Variants in KDM4C observed in about 807,000 individuals in gnomAD.
The protein encoded by KDM4C is lysine demethylase 4C.
KDM4C carries 81 observed loss-of-function variants against 129.3 expected under a neutral mutation model. That is an observed-to-expected ratio of 0.63 (90% CI 0.52 to 0.75). The LOEUF (loss-of-function observed/expected upper bound fraction) is 0.75, where lower values mean the gene tolerates loss of function less well. Among genes scored for constraint, KDM4C ranks in the 30% least tolerant of loss-of-function variants. The pLI is 0.00. For missense variants in KDM4C, 1,457 were observed against 1,304.0 expected (o/e 1.12, Z -1.81); for synonymous variants, 573 against 456.1 (o/e 1.26, Z -3.26).
chr9:6,814,854 A>G (rs748526223), intron 4 of KDM4C, 109 bp downstream of exon 4: 3 of 558,096 alleles, frequency 5.4e-6, no homozygotes, highest in Non-Finnish European at 9.3e-6. Context: ...GGTGATCCAT[A>G]ATTCCTCAAA....
chr9:6,884,108 T>G (rs1844891021), intron 6 of KDM4C, among the ~76,000 whole-genome samples: 1 of 152,164 alleles, frequency 6.6e-6, no homozygotes, highest in Non-Finnish European at 1.5e-5. Flanking sequence ...AGGATCAGTA[T>G]GAAGTTCTCC....
At position 6,740,143 on chromosome 9, in the gene KDM4C, G is replaced by T. The variant is rs571423116; in HGVS notation, c.49+19146G>T. 2.0e-5 allele frequency among the ~76,000 whole-genome samples: 3 copies of T among 152,040 alleles called. No individual in the cohort carries two copies. The East Asian group carries it at 5.8e-4, about 30-fold the overall frequency. On this transcript the variant is annotated intron_variant, in intron 1 of 17. Coordinates refer to the KDM4C transcript ENST00000536108. ...GACCTCAGGTGATCTGCCTGCCTTGGCCTCCCAAAGTGCTGGAATTACAGG... is the reference window on the plus strand; with the variant it reads ...GACCTCAGGTGATCTGCCTGCCTTGTCCTCCCAAAGTGCTGGAATTACAGG...
intron 6 of KDM4C, among the ~76,000 whole-genome samples, chr9:6,884,546 A>G (rs1428024100): frequency 6.6e-6 from 1 of 152,240 alleles, no homozygotes; most frequent in African/African-American, 2.4e-5. Flanking sequence ...ACTTCATCAA[A>G]GCATACTTGG....
chr9:6,763,089 C>T (rs953151265), intron 1 of KDM4C, among the ~76,000 whole-genome samples: 2 of 152,034 alleles, frequency 1.3e-5, no homozygotes, highest in South Asian at 2.1e-4. Flanking sequence ...TAAATCCACA[C>T]TTTCTGGGCC....
intron 21 of KDM4C, chr9:7,170,772 C>G (rs985927815): frequency 2.0e-6 from 2 of 983,700 alleles, no homozygotes; most frequent in Non-Finnish European, 1.2e-6. Flanking sequence ...GATAGAGTCA[C>G]TATAGATTAT....
At chr9:6,761,058 C>G (rs1284008819) in intron 1 of KDM4C, among the ~76,000 whole-genome samples, 5 of 143,482 alleles carry the variant, frequency 3.5e-5, no homozygotes, top group Non-Finnish European at 7.5e-5. Context: ...GAGTCTCACT[C>G]TGTGCCAATG....
intron 12 of KDM4C, among the ~76,000 whole-genome samples, chr9:6,995,259 C>A (rs761772171): frequency 2.8e-4 from 43 of 151,790 alleles, no homozygotes; most frequent in Non-Finnish European, 5.6e-4. Flanking sequence ...CTGATCTTTG[C>A]AGTTTGTATT....
chr9:7,066,186 T>A (rs1299984881), intron 17 of KDM4C, among the ~76,000 whole-genome samples: 1 of 152,204 alleles, frequency 6.6e-6, no homozygotes, highest in Non-Finnish European at 1.5e-5. Flanking sequence ...AGTTTTTTAT[T>A]TAATAAATAC....
At chr9:6,951,310 C>G (rs780516266) in intron 8 of KDM4C, among the ~76,000 whole-genome samples, 29 of 152,300 alleles carry the variant, frequency 1.9e-4, no homozygotes, top group South Asian at 1.4e-3. Context: ...TAACACATCT[C>G]TCCCTGTCCT....
chr9:6,806,878 G>GTCTCCGTCTCCGTCTCCC (rs1354711155), intron 3 of KDM4C, among the ~76,000 whole-genome samples: 30 of 139,530 alleles, frequency 2.2e-4, no homozygotes, highest in African/African-American at 9.3e-4. Flanking sequence ...CTCCGTCTCC[G>GTCTCCGTCTCCGTCTCCC]TCTCCCTCTC....
intron 1 of KDM4C, among the ~76,000 whole-genome samples, chr9:6,759,510 G>GT (rs1405288801): frequency 6.6e-6 from 1 of 152,156 alleles, no homozygotes; most frequent in Non-Finnish European, 1.5e-5. Context: ...GGTTGTTCGG[G>GT]TTTTTTAGGT....
intron 2 of KDM4C, among the ~76,000 whole-genome samples, chr9:6,796,989 C>T (rs1322641985): frequency 8.1e-6 from 1 of 123,576 alleles, no homozygotes; most frequent in East Asian, 2.0e-4. Context: ...TGTTAATGCA[C>T]TATTTTTTTT....
At chr9:7,083,650 G>A (rs915814233) in intron 17 of KDM4C, among the ~76,000 whole-genome samples, 2 of 151,640 alleles carry the variant, frequency 1.3e-5, no homozygotes, top group African/African-American at 4.9e-5. Context: ...ACAATCTTAT[G>A]GGACCACCAT....
intron 8 of KDM4C, among the ~76,000 whole-genome samples, chr9:6,969,939 G>GTTAGCTTCTGTA (rs895468968): frequency 2.0e-5 from 3 of 152,186 alleles, no homozygotes; most frequent in African/African-American, 7.2e-5. Flanking sequence ...AGAGATGACT[G>GTTAGCTTCTGTA]TTAGCTTCTG....
In KDM4C at chr9:6,767,918, T is replaced by C. The variant is rs182582739; in HGVS notation, c.-18+9715T>C. Among the ~76,000 whole-genome samples, 76 of 152,308 alleles carry C rather than the reference T, an allele frequency of 5.0e-4. No homozygotes were observed. In the East Asian group the frequency reaches 0.013, roughly 27 times the overall value. On this transcript the variant is annotated intron_variant, in intron 1 of 21. Transcript: ENST00000381309. ...ATTTTCCTTTTTTTTTTGATAATTT[T>C]ATTTATTTTTCTAAGTTTGTATTAT...
At chr9:6,909,751 G>A (rs1303700286) in intron 8 of KDM4C, among the ~76,000 whole-genome samples, 1 of 152,084 alleles carries the variant, frequency 6.6e-6, no homozygotes, top group African/African-American at 2.4e-5. Flanking sequence ...GCAAAAGAGG[G>A]TGAGGAAAAA....
At chr9:6,775,284 T>A (rs1366832826) in intron 1 of KDM4C, among the ~76,000 whole-genome samples, 1 of 152,086 alleles carries the variant, frequency 6.6e-6, no homozygotes, top group East Asian at 1.9e-4. Context: ...CCCAAAGTGC[T>A]GGGATTACAG....
Position 7,008,732 on chromosome 9 carries a change from A to C in KDM4C, c.1787-2966A>C, listed in dbSNP as rs2890733. On this transcript the variant is annotated intron_variant, in intron 12 of 21. Coordinates refer to ENST00000381309, the MANE Select transcript of KDM4C (RefSeq NM_015061.6). ...AGTAGACCCAAGCTTCAGTTCTTACATGGTGGACTTAGGCTCCAGATCCAA... is the reference window on the plus strand; with the variant it reads ...AGTAGACCCAAGCTTCAGTTCTTACCTGGTGGACTTAGGCTCCAGATCCAA... Among the ~76,000 whole-genome samples, 3 of 152,006 alleles carry C rather than the reference A, an allele frequency of 2.0e-5. No individual in the cohort carries two copies. The East Asian group carries it at 5.8e-4, about 29-fold the overall frequency.
chr9:7,149,359 A>T (rs1425459647), intron 19 of KDM4C, among the ~76,000 whole-genome samples: 1 of 152,200 alleles, frequency 6.6e-6, no homozygotes, highest in Non-Finnish European at 1.5e-5. Flanking sequence ...GGAAGCAGGC[A>T]CTTCCGAGCC....
Sources: gnomAD v4.1 joint callset for allele counts (sites outside exome capture counted in the v4.1 genomes callset) on GRCh38, gnomAD v4.1.1 for gene constraint, MANE v1.5 for transcripts, NCBI Gene and HGNC (gene_info 2026-07-23, HGNC 2026-07-21) for gene names.